USP50: variants seen among roughly 807,000 people sequenced by gnomAD.
USP50 encodes the protein ubiquitin specific peptidase 50, also known as ubiquitin carboxyl-terminal hydrolase 50.
Under a neutral mutation model 39.2 loss-of-function variants are expected in USP50, and 37 were observed. The ratio of observed to expected loss-of-function variants is 0.94; its 90% CI spans 0.73 to 1.24. The LOEUF is 1.24. Among genes scored for constraint, USP50 ranks in the 50% most tolerant of loss-of-function variants. USP50 has a pLI of 0.00. For synonymous variants in USP50, 139 were observed against 144.5 expected (o/e 0.96, Z 0.27); for missense variants, 374 against 398.2 (o/e 0.94, Z 0.52).
downstream of USP50, chr15:50,498,606 G>C: frequency 3.1e-6 from 5 of 1,606,964 alleles, no homozygotes; most frequent in Non-Finnish European, 4.2e-6. Context: ...TTTTTCCTAC[G>C]ATGGCAGGTG....
downstream of USP50, chr15:50,496,983 G>A: frequency 1.5e-6 from 2 of 1,370,388 alleles, no homozygotes; most frequent in South Asian, 2.9e-5. Flanking sequence ...TGTGTAGATT[G>A]CTGTTGAATC....
At chr15:50,516,116 TC>T (rs1299498236) in intron 6 of USP50, among the ~76,000 whole-genome samples, 1 of 152,104 alleles carries the variant, frequency 6.6e-6, no homozygotes, top group African/African-American at 2.4e-5. Flanking sequence ...TTTTATGTTA[TC>T]CCCATGGTAA....
chr15:50,529,918 T>C lies in USP50; in HGVS notation c.815A>G (p.Gln272Arg). Residue 272 changes from glutamine to arginine, a missense_variant, in exon 6 of 7, where the codon CAG (glutamine) becomes CGG (arginine). By Grantham distance (43) the Gln-to-Arg change is conservative. Transcript: ENST00000532404. ...TCTCAGCTTCCTTTTTGTTGTACCC[T>C]GAATGTCAAACCTGCAGGTATAATA... ...IIFHLKRFDI[Q>R]GTTKRKLRTD... is the part of the protein sequence containing the mutation. The C allele has an allele frequency of 6.2e-7, 1 of 1,613,870 alleles. No individual in the cohort carries two copies. Among genetic ancestry groups the C allele is most frequent in the Non-Finnish European group, 8.5e-7 (1 of 1,179,862 alleles).
At chr15:50,525,716 T>C (rs1296448595) in intron 6 of USP50, among the ~76,000 whole-genome samples, 1 of 66,010 alleles carries the variant, frequency 1.5e-5, no homozygotes, top group Non-Finnish European at 3.1e-5. Flanking sequence ...TGTATATATG[T>C]ATATGTATAT....
intron 4 of USP50, among the ~76,000 whole-genome samples, chr15:50,539,894 T>C (rs1234214914): frequency 6.6e-6 from 1 of 152,218 alleles, no homozygotes; most frequent in Non-Finnish European, 1.5e-5. Flanking sequence ...GCCAGCTCCT[T>C]GGTTCTGCAA....
At chr15:50,501,023 A>G (rs1402739827) in intron 6 of USP50, 186 bp from the exon 7 acceptor site, 2 of 554,292 alleles carry the variant, frequency 3.6e-6, no homozygotes, top group African/African-American at 1.9e-5. Flanking sequence ...CATTGTAACT[A>G]CTTATATGTT....
At chr15:50,493,120 C>G (rs1305067908), downstream of USP50, 1 of 646,582 alleles carries the variant, frequency 1.5e-6, no homozygotes. Flanking sequence ...TTGCTGCATC[C>G]TCACAGGGTA....
At chr15:50,533,042 C>CA (rs2141373266) in intron 5 of USP50, among the ~76,000 whole-genome samples, 1 of 152,054 alleles carries the variant, frequency 6.6e-6, no homozygotes, top group East Asian at 1.9e-4. Flanking sequence ...CGCAGTGGCT[C>CA]ACGCCTGTAT....
intron 6 of USP50, among the ~76,000 whole-genome samples, chr15:50,523,660 C>T (rs2052867844): frequency 6.6e-6 from 1 of 152,116 alleles, no homozygotes. Flanking sequence ...GAAAGATATC[C>T]TGTGTTCTTG....
chr15:50,511,220 T>C (rs1371256757), intron 6 of USP50: 1 of 152,220 alleles, frequency 6.6e-6, no homozygotes, highest in Non-Finnish European at 1.5e-5. Context: ...AACCATGACA[T>C]ACCAGTTCAT....
chr15:50,496,041 A>G, downstream of USP50: 1 of 1,613,968 alleles, frequency 6.2e-7, no homozygotes, highest in Non-Finnish European at 8.5e-7. Context: ...GCCTTCATGT[A>G]TTTGTCTCTA....
At chr15:50,496,030 G>A (rs1297156772), downstream of USP50, 3 of 1,613,782 alleles carry the variant, frequency 1.9e-6, no homozygotes, top group Non-Finnish European at 2.5e-6. Context: ...GGACATTTGA[G>A]GCCTTCATGT....
At chr15:50,519,095 T>A (rs546754749) in intron 6 of USP50, among the ~76,000 whole-genome samples, 106 of 151,800 alleles carry the variant, frequency 7.0e-4, no homozygotes, top group Non-Finnish European at 1.3e-3. Flanking sequence ...GAGACTAGCC[T>A]GAGCAGCATG....
At chr15:50,525,411 CA>C (rs1387935358) in intron 6 of USP50, among the ~76,000 whole-genome samples, 1 of 151,312 alleles carries the variant, frequency 6.6e-6, no homozygotes, top group African/African-American at 2.4e-5. Context: ...TGCCTCACCA[CA>C]AAAAATAAGT....
intron 6 of USP50, among the ~76,000 whole-genome samples, chr15:50,525,417 A>G (rs1446008050): frequency 6.6e-6 from 1 of 151,788 alleles, no homozygotes; most frequent in Non-Finnish European, 1.5e-5. Flanking sequence ...ACCACAAAAA[A>G]TAAGTGAGGT....
chr15:50,516,855 T>C (rs1487409554), intron 6 of USP50, among the ~76,000 whole-genome samples: 1 of 151,964 alleles, frequency 6.6e-6, no homozygotes, highest in African/African-American at 2.4e-5. Context: ...AAATGGTCAA[T>C]TCATCAAGGG....
intron 6 of USP50, chr15:50,506,086 C>T (rs2052654353): frequency 6.6e-6 from 1 of 152,168 alleles, no homozygotes; most frequent in African/African-American, 2.4e-5. Flanking sequence ...TGAAAGCTGT[C>T]GTTTTTTAGC....
intron 5 of USP50, among the ~76,000 whole-genome samples, chr15:50,535,133 T>C (rs1036301260): frequency 4.7e-5 from 7 of 149,682 alleles, no homozygotes; most frequent in Non-Finnish European, 8.9e-5. Context: ...AGTGAAACTC[T>C]GTCACACACA....
chr15:50,538,273 CAAAAAAAAA>C (rs766139797), intron 5 of USP50, among the ~76,000 whole-genome samples: 20 of 17,304 alleles, frequency 1.2e-3, no homozygotes, highest in Non-Finnish European at 2.0e-3. Flanking sequence ...GAGACTGTCT[CAAAAAAAAA>C]AAAAAAAAAA....
Sources: gnomAD v4.1 joint callset for allele counts (sites outside exome capture counted in the v4.1 genomes callset) on GRCh38, gnomAD v4.1.1 for gene constraint, MANE v1.5 for transcripts, NCBI Gene and HGNC (gene_info 2026-07-23, HGNC 2026-07-21) for gene names.